Variants in CTNNA2 observed in about 807,000 individuals in gnomAD.
CTNNA2 encodes the protein catenin alpha 2.
Under a neutral mutation model 101.0 loss-of-function variants are expected in CTNNA2, and 42 were observed. That is an observed-to-expected ratio of 0.42 (90% CI 0.32 to 0.54). The LOEUF is 0.54. CTNNA2 is among the 20% of genes least tolerant of loss of function. CTNNA2 has a pLI of 0.14. For missense variants in CTNNA2, 871 were observed against 1,223.1 expected (o/e 0.71, Z 4.29); for synonymous variants, 450 against 456.4 (o/e 0.99, Z 0.18).
intron 3 of CTNNA2, among the ~76,000 whole-genome samples, chr2:79,337,563 T>C (rs1374973250): frequency 6.6e-6 from 1 of 152,098 alleles, no homozygotes; most frequent in Non-Finnish European, 1.5e-5. Flanking sequence ...GAACCTAAAA[T>C]AAAAGTAGAA....
intron 7 of CTNNA2, among the ~76,000 whole-genome samples, chr2:80,293,830 AT>A (rs1159215771): frequency 6.6e-6 from 1 of 152,188 alleles, no homozygotes; most frequent in African/African-American, 2.4e-5. Flanking sequence ...TTTGGAAAGA[AT>A]TGATGCCTAT....
At chr2:80,250,054 CT>C (rs1379099615) in intron 7 of CTNNA2, among the ~76,000 whole-genome samples, 51 of 152,184 alleles carry the variant, frequency 3.4e-4, no homozygotes, top group African/African-American at 1.2e-3. Flanking sequence ...TCATTTGCTT[CT>C]TGTTTCTTTG....
intron 7 of CTNNA2, among the ~76,000 whole-genome samples, chr2:80,103,840 T>C (rs1318784674): frequency 1.3e-5 from 2 of 152,200 alleles, no homozygotes; most frequent in African/African-American, 2.4e-5. Context: ...GTTCAAGTGA[T>C]TCTCTCGCCT....
chr2:79,602,810 CA>C (rs1439235604), intron 1 of CTNNA2, among the ~76,000 whole-genome samples: 1 of 151,920 alleles, frequency 6.6e-6, no homozygotes, highest in Non-Finnish European at 1.5e-5. Flanking sequence ...CATAAAGTAA[CA>C]GCTAAATAAA....
chr2:80,002,290 C>T (rs1027752488), intron 7 of CTNNA2, among the ~76,000 whole-genome samples: 8 of 152,046 alleles, frequency 5.3e-5, no homozygotes, highest in East Asian at 3.9e-4. Flanking sequence ...CCACGTGGAC[C>T]GCTCTTACTC....
At chr2:79,257,129 T>C (rs1227647362) in intron 2 of CTNNA2, among the ~76,000 whole-genome samples, 1 of 152,194 alleles carries the variant, frequency 6.6e-6, no homozygotes, top group Admixed American at 6.6e-5. Flanking sequence ...TTTACTCTCC[T>C]TTTTGCCTTT....
chr2:79,620,858 C>T (rs1373843448), intron 1 of CTNNA2, among the ~76,000 whole-genome samples: 8 of 152,122 alleles, frequency 5.3e-5, no homozygotes, highest in East Asian at 1.9e-4. Context: ...ATAAAAATCC[C>T]GGTTATAAAA....
At chr2:79,634,931 T>C (rs115486522) in intron 1 of CTNNA2, among the ~76,000 whole-genome samples, 229 of 152,300 alleles carry the variant, frequency 1.5e-3, no homozygotes, top group African/African-American at 4.8e-3. Flanking sequence ...TTTAGAACTT[T>C]ATTCTTAGGC....
intron 7 of CTNNA2, among the ~76,000 whole-genome samples, chr2:80,059,078 T>G (rs1697408263): frequency 6.6e-6 from 1 of 152,220 alleles, no homozygotes; most frequent in Non-Finnish European, 1.5e-5. Context: ...AAATATCTGC[T>G]GAGAATCACA....
At chr2:80,001,799 G>A (rs983442453) in intron 7 of CTNNA2, among the ~76,000 whole-genome samples, 1 of 152,184 alleles carries the variant, frequency 6.6e-6, no homozygotes, top group African/African-American at 2.4e-5. Flanking sequence ...GTCGTCATCT[G>A]TCCTACATAA....
At chr2:80,592,081 G>A (rs1696564380) in intron 15 of CTNNA2, among the ~76,000 whole-genome samples, 1 of 152,096 alleles carries the variant, frequency 6.6e-6, no homozygotes, top group African/African-American at 2.4e-5. Flanking sequence ...TAATTGTACA[G>A]CAAAGAGCAA....
At chr2:79,405,387 G>A (rs1044682128) in intron 4 of CTNNA2, among the ~76,000 whole-genome samples, 5 of 152,048 alleles carry the variant, frequency 3.3e-5, no homozygotes, top group Admixed American at 2.0e-4. Flanking sequence ...GTGGAGTGGT[G>A]TGATCTAGGC....
intron 1 of CTNNA2, among the ~76,000 whole-genome samples, chr2:79,539,377 A>G (rs999477225): frequency 6.6e-6 from 1 of 152,202 alleles, no homozygotes; most frequent in Non-Finnish European, 1.5e-5. Context: ...GCTGGAGGTG[A>G]TAGAAGGTGA....
At chr2:79,511,754 A>C (rs1448369685), upstream of CTNNA2, among the ~76,000 whole-genome samples, 1 of 152,208 alleles carries the variant, frequency 6.6e-6, no homozygotes, top group Non-Finnish European at 1.5e-5. Context: ...ATTTTCAAAC[A>C]ATTGCAGACG....
At chr2:80,214,869 A>G (rs960427147) in intron 7 of CTNNA2, among the ~76,000 whole-genome samples, 3 of 152,106 alleles carry the variant, frequency 2.0e-5, no homozygotes, top group African/African-American at 7.2e-5. Context: ...ACTTGGCTCC[A>G]TTATCCCCGT....
chr2:80,590,847 G>A (rs147265064), intron 15 of CTNNA2, among the ~76,000 whole-genome samples: 208 of 152,210 alleles, frequency 1.4e-3, no homozygotes, highest in African/African-American at 4.6e-3. Context: ...TTCACAAAGC[G>A]TAACAGCAGG....
chr2:80,552,207 A>AT (rs1376174894), intron 11 of CTNNA2, among the ~76,000 whole-genome samples: 1 of 152,212 alleles, frequency 6.6e-6, no homozygotes, highest in African/African-American at 2.4e-5. Flanking sequence ...AAATTTTGAA[A>AT]TATTGCAACA....
chr2:79,357,242 C>T (rs1677528210), intron 3 of CTNNA2, among the ~76,000 whole-genome samples: 1 of 152,082 alleles, frequency 6.6e-6, no homozygotes, highest in South Asian at 2.1e-4. Context: ...AGGAAAATTG[C>T]TTAAGCCTAG....
chr2:80,581,964 C>CA (rs1363929584), intron 14 of CTNNA2, 145 bp downstream of exon 14: 1 of 587,276 alleles, frequency 1.7e-6, no homozygotes, highest in African/African-American at 1.9e-5. Context: ...TTGTTTATAG[C>CA]AAATCACATT....
Sources: allele counts gnomAD v4.1 joint callset (sites outside exome capture counted in the v4.1 genomes callset), GRCh38; gene constraint gnomAD v4.1.1; transcripts MANE v1.5; gene names NCBI Gene and HGNC (gene_info 2026-07-23, HGNC 2026-07-21).